MACROD2: variants seen among roughly 807,000 people sequenced by gnomAD.
The protein encoded by MACROD2 is mono-ADP ribosylhydrolase 2, also known as ADP-ribose glycohydrolase MACROD2.
In MACROD2, 36 loss-of-function variants were observed where a neutral mutation model predicts 70.4. That is an observed-to-expected ratio of 0.51 (90% CI 0.39 to 0.68). MACROD2 has a LOEUF of 0.68. Ranked by LOEUF, MACROD2 falls within the 30% of genes least tolerant of loss-of-function variation. The pLI, the probability that MACROD2 is intolerant of heterozygous loss-of-function variation, is 0.00. For missense variants in MACROD2, 496 were observed against 538.4 expected (o/e 0.92, Z 0.78); for synonymous variants, 172 against 178.8 (o/e 0.96, Z 0.30).
intron 10 of MACROD2, among the ~76,000 whole-genome samples, chr20:15,926,157 T>A (rs895187665): frequency 1.3e-5 from 2 of 152,178 alleles, no homozygotes; most frequent in Non-Finnish European, 2.9e-5. Flanking sequence ...ACGATGGCAA[T>A]GGGTGTATTA....
intron 5 of MACROD2, among the ~76,000 whole-genome samples, chr20:15,223,864 C>T (rs1481273381): frequency 6.6e-6 from 1 of 152,150 alleles, no homozygotes; most frequent in Non-Finnish European, 1.5e-5. Context: ...ACATTGGCAA[C>T]CAGTAGAATA....
chr20:15,185,331 TTCTG>T (rs1416006094), intron 5 of MACROD2, among the ~76,000 whole-genome samples: 1 of 152,194 alleles, frequency 6.6e-6, no homozygotes, highest in Non-Finnish European at 1.5e-5. Context: ...ATTCTTTTCT[TTCTG>T]ATGCCTCGAA....
chr20:14,798,914 G>A (rs945919865), intron 5 of MACROD2, among the ~76,000 whole-genome samples: 4 of 151,928 alleles, frequency 2.6e-5, no homozygotes, highest in Non-Finnish European at 4.4e-5. Flanking sequence ...ATGCAAGAAT[G>A]TGATAATATA....
intron 8 of MACROD2, among the ~76,000 whole-genome samples, chr20:15,548,193 A>G (rs1204213122): frequency 6.6e-6 from 1 of 152,216 alleles, no homozygotes; most frequent in Non-Finnish European, 1.5e-5. Context: ...TGATCTGATT[A>G]TATGAAATTA....
chr20:15,222,700 C>G (rs2076872221), intron 5 of MACROD2, among the ~76,000 whole-genome samples: 1 of 152,204 alleles, frequency 6.6e-6, no homozygotes, highest in South Asian at 2.1e-4. Context: ...ATTGATTCTA[C>G]ACTTGGTCTG....
rs564798474 is a variant in MACROD2 at position 15,191,796 on chromosome 20, G to C, written c.419-38144G>C. On this transcript the variant is annotated intron_variant, in intron 5 of 17. Transcript: ENST00000684519. ...CAGGGAAGATAAAACCCCAGCTCAAGGATTAGGCAGGAGGTAGGGATATCT... is the reference window on the plus strand; with the variant it reads ...CAGGGAAGATAAAACCCCAGCTCAACGATTAGGCAGGAGGTAGGGATATCT... Among the ~76,000 whole-genome samples the C allele has an allele frequency of 2.1e-3, 317 of 152,178 alleles. 1 individual carries two copies. The highest frequency in any genetic ancestry group is 2.3e-3 in the Non-Finnish European group (159 of 68,010).
At chr20:15,024,719 A>C (rs185276100) in intron 5 of MACROD2, among the ~76,000 whole-genome samples, 2 of 152,188 alleles carry the variant, frequency 1.3e-5, no homozygotes, top group African/African-American at 4.8e-5. Context: ...TGTGGTTACT[A>C]TAGATTACCA....
chr20:14,591,105 T>G (rs1981739172), intron 4 of MACROD2, among the ~76,000 whole-genome samples: 1 of 152,186 alleles, frequency 6.6e-6, no homozygotes, highest in African/African-American at 2.4e-5. Context: ...TTTTAAATTC[T>G]TTTATGAGTG....
intron 8 of MACROD2, among the ~76,000 whole-genome samples, chr20:15,636,266 A>G (rs890861445): frequency 5.9e-5 from 9 of 152,096 alleles, no homozygotes; most frequent in African/African-American, 2.2e-4. Flanking sequence ...TGAGGTCTAT[A>G]ACATCACTGA....
intron 8 of MACROD2, among the ~76,000 whole-genome samples, chr20:15,679,553 G>A (rs926277196): frequency 5.9e-5 from 9 of 152,210 alleles, no homozygotes; most frequent in East Asian, 3.9e-4. Context: ...AAGTGATGCT[G>A]TGCAGGTTCT....
At chr20:14,213,483 G>A (rs943024136) in intron 3 of MACROD2, among the ~76,000 whole-genome samples, 8 of 146,940 alleles carry the variant, frequency 5.4e-5, no homozygotes, top group Non-Finnish European at 7.4e-5. Flanking sequence ...ATTTACACAA[G>A]CAGTTTTGAA....
At chr20:14,728,595 C>G (rs2071557561) in intron 5 of MACROD2, among the ~76,000 whole-genome samples, 3 of 152,070 alleles carry the variant, frequency 2.0e-5, no homozygotes, top group Non-Finnish European at 2.9e-5. Flanking sequence ...AGATGAGCTC[C>G]CGATATCTCT....
At chr20:15,972,001 C>T (rs1034189674) in intron 13 of MACROD2, among the ~76,000 whole-genome samples, 1 of 152,218 alleles carries the variant, frequency 6.6e-6, no homozygotes, top group Non-Finnish European at 1.5e-5. Flanking sequence ...TTAGGACTGA[C>T]CATGTTAATT....
At chr20:14,964,765 C>A (rs2074617064) in intron 5 of MACROD2, among the ~76,000 whole-genome samples, 1 of 152,028 alleles carries the variant, frequency 6.6e-6, no homozygotes, top group Non-Finnish European at 1.5e-5. Context: ...AGCCACTGTG[C>A]TATACTTTAG....
intron 5 of MACROD2, among the ~76,000 whole-genome samples, chr20:14,737,090 G>A (rs2071675104): frequency 6.6e-6 from 1 of 151,994 alleles, no homozygotes; most frequent in Non-Finnish European, 1.5e-5. Context: ...TTCTCCTAAT[G>A]CTATCCTTCC....
At chr20:15,697,514 A>G (rs995025556) in intron 8 of MACROD2, among the ~76,000 whole-genome samples, 1 of 152,178 alleles carries the variant, frequency 6.6e-6, no homozygotes, top group Non-Finnish European at 1.5e-5. Context: ...ACTGTTGAAT[A>G]CAATGTGTAT....
chr20:15,412,778 T>C (rs1400255619), intron 6 of MACROD2, among the ~76,000 whole-genome samples: 1 of 152,170 alleles, frequency 6.6e-6, no homozygotes, highest in Non-Finnish European at 1.5e-5. Flanking sequence ...TGCCAGTGGG[T>C]CTGGCCTGTG....
intron 8 of MACROD2, among the ~76,000 whole-genome samples, chr20:15,724,139 G>A (rs948943577): frequency 6.6e-6 from 1 of 152,084 alleles, no homozygotes; most frequent in Non-Finnish European, 1.5e-5. Context: ...TTATTATTGA[G>A]TTTCAAGAGT....
Position 14,910,158 on chromosome 20 carries a change from C to T in MACROD2, c.418+225199C>T, listed in dbSNP as rs144048088. Reference sequence around the variant, plus strand: ...TTAGTCTACTTCATTTTATAGGCCACAAACTGTTCATTTTAAGTTTGGTGT... The same window carrying T: ...TTAGTCTACTTCATTTTATAGGCCATAAACTGTTCATTTTAAGTTTGGTGT... On this transcript the variant is annotated intron_variant, in intron 5 of 17. Coordinates refer to ENST00000684519, the MANE Select transcript of MACROD2 (RefSeq NM_001351661.2). 1.2e-4 allele frequency among the ~76,000 whole-genome samples: 19 copies of T among 152,294 alleles called. No homozygotes were observed. In the East Asian group the frequency reaches 3.7e-3, roughly 29 times the overall value.
Sources: allele counts gnomAD v4.1 joint callset (sites outside exome capture counted in the v4.1 genomes callset), GRCh38; gene constraint gnomAD v4.1.1; transcripts MANE v1.5; gene names NCBI Gene and HGNC (gene_info 2026-07-23, HGNC 2026-07-21).